Variants in ROBO2 observed in about 807,000 individuals in gnomAD.
ROBO2 encodes roundabout homolog 2.
A neutral mutation model predicts 160.8 loss-of-function variants in ROBO2; 53 were observed. The ratio of observed to expected loss-of-function variants is 0.33; its 90% CI spans 0.26 to 0.41. The LOEUF (loss-of-function observed/expected upper bound fraction) is 0.41, where lower values mean the gene tolerates loss of function less well. Ranked by LOEUF, ROBO2 falls within the 10% of genes least tolerant of loss-of-function variation. ROBO2 has a pLI of 1.00. For synonymous variants in ROBO2, 664 were observed against 611.7 expected, an observed-to-expected ratio of 1.09 and a Z score of -1.26; for missense variants, 1,577 against 1,722.4, an observed-to-expected ratio of 0.92 and a Z score of 1.49.
rs55691222 is a variant in ROBO2 at position 76,141,060 on chromosome 3, C to CATATATAT, written c.109+203468_109+203475dup. 3.1e-3 allele frequency among the ~76,000 whole-genome samples: 167 copies of CATATATAT among 53,586 alleles called. 13 individuals are homozygous for CATATATAT. The highest frequency in any genetic ancestry group is 0.01 in the African/African-American group (143 of 14,238). 35.2% of individuals were successfully genotyped at this position (53,586 alleles called of 152,430 possible). Reference sequence around the variant, plus strand: ...ACACACACAGATGTCTTTTTACATACATATATATATATATATAAAATATAT... The same window carrying CATATATAT: ...ACACACACAGATGTCTTTTTACATACATATATATATATATATATATATATAAAATATAT... On this transcript the variant is annotated intron_variant, in intron 2 of 26. Coordinates refer to the ROBO2 transcript ENST00000487694.
chr3:76,862,548 A>T (rs963316080), intron 2 of ROBO2, among the ~76,000 whole-genome samples: 3 of 152,088 alleles, frequency 2.0e-5, no homozygotes, highest in Non-Finnish European at 4.4e-5. Context: ...TTATGATCTA[A>T]TGATGATAAA....
intron 2 of ROBO2, among the ~76,000 whole-genome samples, chr3:77,363,656 A>C (rs1310293338): frequency 6.6e-6 from 1 of 152,182 alleles, no homozygotes; most frequent in Non-Finnish European, 1.5e-5. Flanking sequence ...AGTGTGGCAA[A>C]CCGAGCCAGG....
rs147013343 is a variant in ROBO2, at chr3:76,763,601, A to G, written c.110-334413A>G. Among the ~76,000 whole-genome samples, 533 of 151,688 alleles carry G rather than the reference A, an allele frequency of 3.5e-3. 2 individuals are homozygous for G. Among genetic ancestry groups the G allele is most frequent in the African/African-American group, 0.012 (516 of 41,430 alleles). ...TTTTTTACATGTTTCCTCCTCTTCA[A>G]GACTTGATTTATGTTCTTTCAACTA... On this transcript the variant is annotated intron_variant, in intron 2 of 26. Transcript: ENST00000487694.
intron 2 of ROBO2, among the ~76,000 whole-genome samples, chr3:77,016,828 G>C (rs2062295556): frequency 6.6e-6 from 1 of 152,142 alleles, no homozygotes; most frequent in South Asian, 2.1e-4. Context: ...CTGATCATTT[G>C]AATATACAAT....
chr3:76,776,333 G>T (rs2062255379), intron 2 of ROBO2, among the ~76,000 whole-genome samples: 1 of 150,902 alleles, frequency 6.6e-6, no homozygotes, highest in Admixed American at 6.6e-5. Flanking sequence ...TGAAGCATTT[G>T]TTTGATGTTT....
intron 2 of ROBO2, among the ~76,000 whole-genome samples, chr3:76,901,716 T>A (rs1287975167): frequency 6.6e-6 from 1 of 152,086 alleles, no homozygotes; most frequent in Non-Finnish European, 1.5e-5. Flanking sequence ...ACCCAGATGC[T>A]TAAGAACAAT....
At chr3:76,784,423 C>A (rs1236313110) in intron 2 of ROBO2, among the ~76,000 whole-genome samples, 1 of 151,040 alleles carries the variant, frequency 6.6e-6, no homozygotes, top group Non-Finnish European at 1.5e-5. Context: ...GTGCTGAGAG[C>A]CTCTCATTTA....
intron 2 of ROBO2, among the ~76,000 whole-genome samples, chr3:77,025,061 C>A (rs188873705): frequency 3.9e-5 from 6 of 151,950 alleles, no homozygotes; most frequent in African/African-American, 1.4e-4. Flanking sequence ...AGGCAGGAGA[C>A]AAGGAGACAG....
intron 5 of ROBO2, among the ~76,000 whole-genome samples, chr3:77,495,881 A>C (rs969922536): frequency 3.9e-5 from 6 of 152,336 alleles, no homozygotes; most frequent in South Asian, 2.1e-4. Flanking sequence ...TTAAGATAAA[A>C]TAAAAATGAA....
rs186712889 is a variant in ROBO2 at position 76,427,764 on chromosome 3, G to T, written c.109+490162G>T. On this transcript the variant is annotated intron_variant, in intron 2 of 26. Transcript: ENST00000487694. ...GATTACGGTTATATTTTTTGGCAAAGTAATCTGATTTTATAGCTATCTCTT... is the reference window on the plus strand; with the variant it reads ...GATTACGGTTATATTTTTTGGCAAATTAATCTGATTTTATAGCTATCTCTT... Among the ~76,000 whole-genome samples, 51 of 152,210 alleles carry T rather than the reference G, an allele frequency of 3.4e-4. No homozygotes were observed. In the East Asian group the frequency reaches 9.5e-3, roughly 28 times the overall value.
chr3:76,450,354 C>T (rs2077413159), intron 2 of ROBO2, among the ~76,000 whole-genome samples: 1 of 152,112 alleles, frequency 6.6e-6, no homozygotes, highest in African/African-American at 2.4e-5. Flanking sequence ...ACTTGTATAA[C>T]TAATTTTCAG....
intron 1 of ROBO2, among the ~76,000 whole-genome samples, chr3:75,913,409 A>G (rs528026969): frequency 6.6e-6 from 1 of 152,348 alleles, no homozygotes; most frequent in East Asian, 1.9e-4. Flanking sequence ...GCAGCCTATC[A>G]TAAGTGGTAA....
At chr3:77,602,811 G>C in intron 20 of ROBO2, 1 of 479,340 alleles carries the variant, frequency 2.1e-6, no homozygotes, top group South Asian at 1.7e-5. Flanking sequence ...GGGCAGGGTA[G>C]ACAAAACATT....
chr3:76,462,786 C>T (rs544422580), intron 2 of ROBO2, among the ~76,000 whole-genome samples: 36 of 152,220 alleles, frequency 2.4e-4, no homozygotes, highest in Admixed American at 2.0e-4. Flanking sequence ...GAATTACTGT[C>T]GGTCATTGTC....
intron 2 of ROBO2, among the ~76,000 whole-genome samples, chr3:76,944,900 T>C (rs909537950): frequency 1.2e-4 from 18 of 152,172 alleles, no homozygotes; most frequent in African/African-American, 4.1e-4. Context: ...GATGGCTTTT[T>C]TTTTTTTAGA....
chr3:76,193,162 G>A (rs149569975), intron 2 of ROBO2, among the ~76,000 whole-genome samples: 2 of 152,006 alleles, frequency 1.3e-5, no homozygotes, highest in African/African-American at 2.4e-5. Context: ...TAAAATACTG[G>A]TTATCTGTAA....
At chr3:77,571,603 T>G (rs1400563866) in intron 13 of ROBO2, among the ~76,000 whole-genome samples, 1 of 152,068 alleles carries the variant, frequency 6.6e-6, no homozygotes, top group Admixed American at 6.6e-5. Flanking sequence ...TTATTTTTCC[T>G]TAAGACAACT....
At position 76,203,068 on chromosome 3, in the gene ROBO2, G is replaced by A. The variant is rs572584744; in HGVS notation, c.109+265466G>A. The stretch of plus-strand genomic sequence containing the variant: ...AGAAATTACAATTCCTGACTCAAAT[G>A]TATGTCTTTTAAGAGCAAAATTCAG... On this transcript the variant is annotated intron_variant, in intron 2 of 26. Transcript: ENST00000487694. Among the ~76,000 whole-genome samples, 8 of 152,208 alleles carry A rather than the reference G, an allele frequency of 5.3e-5. No individual in the cohort carries two copies. The East Asian group carries it at 7.8e-4, about 15-fold the overall frequency.
intron 19 of ROBO2, among the ~76,000 whole-genome samples, chr3:77,600,864 A>T (rs982719821): frequency 6.6e-6 from 1 of 152,218 alleles, no homozygotes; most frequent in Non-Finnish European, 1.5e-5. Context: ...AAGTTCTGAA[A>T]TTTAAAAATA....
Sources: gnomAD v4.1 joint callset for allele counts (sites outside exome capture counted in the v4.1 genomes callset) on GRCh38, gnomAD v4.1.1 for gene constraint, MANE v1.5 for transcripts, NCBI Gene and HGNC (gene_info 2026-07-23, HGNC 2026-07-21) for gene names.